The following KIAA1958 variants were observed in gnomAD, a reference collection of about 807,000 sequenced individuals.
KIAA1958 encodes the protein uncharacterized protein KIAA1958.
In KIAA1958, 14 loss-of-function variants were observed where a neutral mutation model predicts 47.2. That is an observed-to-expected ratio of 0.30 (90% CI 0.20 to 0.46). The LOEUF (loss-of-function observed/expected upper bound fraction) is 0.46. KIAA1958 is among the 20% of genes least tolerant of loss of function. The probability of loss-of-function intolerance (pLI) is 1.00; values close to 1 mark genes in which losing one functional copy is unlikely to be tolerated. For synonymous variants in KIAA1958, 354 were observed against 353.3 expected, an observed-to-expected ratio of 1.00 and a Z score of -0.02; for missense variants, 803 against 909.2, an observed-to-expected ratio of 0.88 and a Z score of 1.50.
intron 1 of KIAA1958, among the ~76,000 whole-genome samples, chr9:112,525,776 T>C (rs990092351): frequency 5.3e-5 from 8 of 151,498 alleles, no homozygotes; most frequent in African/African-American, 1.2e-4. Flanking sequence ...TGCATACTTA[T>C]TACATTGCAT....
chr9:112,629,369 A>G (rs1479329986), intron 2 of KIAA1958, among the ~76,000 whole-genome samples: 1 of 152,180 alleles, frequency 6.6e-6, no homozygotes, highest in Non-Finnish European at 1.5e-5. Context: ...ACTGATTAAC[A>G]TGAAAAACGC....
In KIAA1958 at chr9:112,666,819, G is replaced by C. The variant is rs1372506907; in HGVS notation, c.*6750G>C. ...GAGCTCCTGAGCCAGAGAAATACTA[G>C]CTGATGCTTATTACACCGGGAAGAG... On this transcript the variant is annotated 3_prime_UTR_variant, in exon 4 of 4. Coordinates refer to ENST00000337530, the MANE Select transcript of KIAA1958 (RefSeq NM_133465.4). The C allele has an allele frequency of 1.3e-5, 2 of 152,176 alleles. No homozygotes were observed. Among genetic ancestry groups the C allele is most frequent in the African/African-American group, 4.8e-5 (2 of 41,436 alleles). The allele number at this position is 152,176 out of a possible 1,614,324, so 9.4% of individuals were successfully genotyped here. A position where few individuals can be genotyped will look rare whatever the true frequency, so the allele number is the denominator to read the frequency against.
At chr9:112,624,111 G>A (rs1215310233) in intron 2 of KIAA1958, among the ~76,000 whole-genome samples, 1 of 152,158 alleles carries the variant, frequency 6.6e-6, no homozygotes, top group Non-Finnish European at 1.5e-5. Flanking sequence ...AAGTCAAGGG[G>A]AATGTATAAT....
At chr9:112,524,818 C>T (rs1263288989) in intron 1 of KIAA1958, among the ~76,000 whole-genome samples, 1 of 152,176 alleles carries the variant, frequency 6.6e-6, no homozygotes, top group African/African-American at 2.4e-5. Flanking sequence ...TAGTGCAGCC[C>T]TGGAATCCTG....
chr9:112,541,719 T>G (rs1449669409), intron 1 of KIAA1958, among the ~76,000 whole-genome samples: 1 of 152,002 alleles, frequency 6.6e-6, no homozygotes. Context: ...AGGATTCAAT[T>G]GCTTGAACCC....
intron 2 of KIAA1958, among the ~76,000 whole-genome samples, chr9:112,631,940 A>T (rs1836717432): frequency 6.6e-6 from 1 of 152,232 alleles, no homozygotes. Context: ...GGCTTAAAGA[A>T]CATCCTTGAG....
Position 112,664,422 on chromosome 9 carries a change from C to T in KIAA1958, c.*4353C>T, listed in dbSNP as rs182417879. On this transcript the variant is annotated 3_prime_UTR_variant, in exon 4 of 4. Transcript: ENST00000337530. ...ATGTAGATTGCTAAAAACTTTTGAGCTAGTAGACGTTACCTTTAAGCATCA... is the reference window on the plus strand; with the variant it reads ...ATGTAGATTGCTAAAAACTTTTGAGTTAGTAGACGTTACCTTTAAGCATCA... The T allele has an allele frequency of 6.6e-6, 1 of 152,300 alleles. No homozygotes were observed. Among genetic ancestry groups the T allele is most frequent in the African/African-American group, 2.4e-5 (1 of 41,558 alleles). The allele number at this position is 152,300 out of a possible 1,614,324, so 9.4% of individuals were successfully genotyped here.
At chr9:112,620,100 T>G (rs1193261813) in intron 2 of KIAA1958, among the ~76,000 whole-genome samples, 2 of 152,238 alleles carry the variant, frequency 1.3e-5, no homozygotes, top group African/African-American at 4.8e-5. Context: ...TGTGATATCC[T>G]GCAATTATTA....
At chr9:112,593,129 T>C (rs950678884) in intron 2 of KIAA1958, among the ~76,000 whole-genome samples, 4 of 152,212 alleles carry the variant, frequency 2.6e-5, no homozygotes, top group African/African-American at 9.6e-5. Context: ...TGTAATGATG[T>C]GTATTGCCTT....
At chr9:112,549,784 T>C (rs1835109355) in intron 1 of KIAA1958, among the ~76,000 whole-genome samples, 1 of 152,184 alleles carries the variant, frequency 6.6e-6, no homozygotes, top group Non-Finnish European at 1.5e-5. Flanking sequence ...GAGACATTTT[T>C]GGTTGTCACG....
At chr9:112,493,516 C>T (rs1241295719) in intron 1 of KIAA1958, among the ~76,000 whole-genome samples, 1 of 152,194 alleles carries the variant, frequency 6.6e-6, no homozygotes, top group Non-Finnish European at 1.5e-5. Context: ...TAATCAAGCC[C>T]CTGGGTCAGT....
At chr9:112,503,448 G>A (rs963787324) in intron 1 of KIAA1958, among the ~76,000 whole-genome samples, 1 of 151,916 alleles carries the variant, frequency 6.6e-6, no homozygotes, top group Non-Finnish European at 1.5e-5. Context: ...AAGCCCATAA[G>A]TTTGAGACCA....
chr9:112,562,725 T>C (rs1158329596), intron 1 of KIAA1958, among the ~76,000 whole-genome samples: 1 of 152,234 alleles, frequency 6.6e-6, no homozygotes, highest in Non-Finnish European at 1.5e-5. Context: ...ACAAGGTTTA[T>C]AGGTAATCTG....
chr9:112,627,994 C>A (rs1836647360), intron 2 of KIAA1958, among the ~76,000 whole-genome samples: 1 of 152,180 alleles, frequency 6.6e-6, no homozygotes, highest in South Asian at 2.1e-4. Flanking sequence ...ATCGTTTCAA[C>A]ATATTGACTC....
At chr9:112,605,080 T>C (rs1011318028) in intron 2 of KIAA1958, among the ~76,000 whole-genome samples, 1 of 148,696 alleles carries the variant, frequency 6.7e-6, no homozygotes, top group East Asian at 1.9e-4. Flanking sequence ...TTTGTATATA[T>C]ATATTTAGAG....
chr9:112,567,667 C>G (rs903694387), intron 1 of KIAA1958, among the ~76,000 whole-genome samples: 2 of 151,818 alleles, frequency 1.3e-5, no homozygotes, highest in South Asian at 2.1e-4. Context: ...ATCAAAATCC[C>G]GAAAATACAG....
At chr9:112,525,049 T>TAC (rs72535139) in intron 1 of KIAA1958, among the ~76,000 whole-genome samples, 3 of 151,708 alleles carry the variant, frequency 2.0e-5, no homozygotes, top group Non-Finnish European at 2.9e-5. Context: ...GTCTTTATGA[T>TAC]AAGATTTTCA....
intron 2 of KIAA1958, among the ~76,000 whole-genome samples, chr9:112,589,489 G>A (rs571514874): frequency 4.0e-4 from 61 of 152,326 alleles, no homozygotes; most frequent in African/African-American, 1.4e-3. Context: ...CTACTCGGGA[G>A]GCTGAGGCAG....
rs763982270 is a variant in KIAA1958 at position 112,574,312 on chromosome 9, A to G, written c.232A>G (p.Arg78Gly). Reference sequence around the variant, plus strand: ...AGAGAGGGTCTGTTTCCAGGATAACAGAAGTTTTAACTCTGATAGTCCCAG... The same window carrying G: ...AGAGAGGGTCTGTTTCCAGGATAACGGAAGTTTTAACTCTGATAGTCCCAG... The part of the protein sequence containing the change: ...SQERVCFQDN[R>G]SFNSDSPSII... Residue 78 changes from arginine (R) to glycine (G), a missense_variant, in exon 2 of 4, where the codon AGA (arginine) becomes GGA (glycine). Physicochemically the swap from Arg to Gly is moderately radical, Grantham distance 125 (BLOSUM62 -2). Around this residue, in one of 2 missense-constraint regions of KIAA1958, gnomAD observed 761 missense variants for 829.3 expected, o/e 0.92. Transcript: ENST00000337530. The G allele has an allele frequency of 6.2e-7, 1 of 1,614,202 alleles. No individual in the cohort carries two copies. Among genetic ancestry groups the G allele is most frequent in the East Asian group, 2.2e-5 (1 of 44,880 alleles).
Sources: gnomAD v4.1 joint callset for allele counts (sites outside exome capture counted in the v4.1 genomes callset) on GRCh38, gnomAD v4.1.1 for gene constraint, gnomAD v4.1.1 regional missense constraint, MANE v1.5 for transcripts, NCBI Gene and HGNC (gene_info 2026-07-23, HGNC 2026-07-21) for gene names.